IRF2: variants seen among roughly 807,000 people sequenced by gnomAD.
The protein encoded by IRF2 is interferon regulatory factor 2.
In IRF2, 15 loss-of-function variants were observed where a neutral mutation model predicts 40.6. The ratio of observed to expected loss-of-function variants is 0.37; its 90% CI spans 0.25 to 0.57. The LOEUF is 0.57. Ranked by LOEUF, IRF2 falls within the 20% of genes least tolerant of loss-of-function variation. IRF2 has a pLI of 0.77. For synonymous variants in IRF2, 151 were observed against 165.5 expected, an observed-to-expected ratio of 0.91 and a Z score of 0.67; for missense variants, 317 against 455.7, an observed-to-expected ratio of 0.70 and a Z score of 2.77.
intron 1 of IRF2, among the ~76,000 whole-genome samples, chr4:184,447,444 G>A (rs1234246879): frequency 6.6e-6 from 1 of 152,206 alleles, no homozygotes; most frequent in African/African-American, 2.4e-5. Context: ...TCAACATTTG[G>A]TAGCTATCAA....
At chr4:184,418,257 C>A in intron 4 of IRF2, 44 bp from the exon 5 acceptor site, 1 of 1,419,524 alleles carries the variant, frequency 7.0e-7, no homozygotes, top group South Asian at 1.2e-5. Context: ...CACGAAGGGC[C>A]TCCAGAGAAA....
intron 1 of IRF2, among the ~76,000 whole-genome samples, chr4:184,467,255 C>G (rs1739358958): frequency 6.6e-6 from 1 of 152,234 alleles, no homozygotes; most frequent in Non-Finnish European, 1.5e-5. Context: ...CTCTAAAACT[C>G]TTTCAGTGAC....
chr4:184,394,693 C>T (rs1269248308), intron 7 of IRF2, among the ~76,000 whole-genome samples: 1 of 152,176 alleles, frequency 6.6e-6, no homozygotes, highest in Admixed American at 6.5e-5. Context: ...CGAGTCTACT[C>T]TCCAGCCCCT....
At position 184,469,301 on chromosome 4, in the gene IRF2, T is replaced by G. The variant is rs1863316; in HGVS notation, c.-7+5078A>C. 9.5e-4 allele frequency among the ~76,000 whole-genome samples: 144 copies of G among 152,010 alleles called. 1 individual carries two copies. The highest frequency in any genetic ancestry group is 3.3e-3 in the African/African-American group (136 of 41,432). ...GGTCTCTACCTTTGGCTATAATGAG[T>G]TCAGTGAGATTTGATGATACCAGTT... On this transcript the variant is annotated intron_variant, in intron 1 of 8. Coordinates refer to ENST00000393593, the MANE Select transcript of IRF2 (RefSeq NM_002199.4).
chr4:184,431,878 A>C (rs1273944308), intron 1 of IRF2: 1 of 146,566 alleles, frequency 6.8e-6, no homozygotes, highest in African/African-American at 2.5e-5. Flanking sequence ...AAAAAAAAAA[A>C]CAATGGTCAC....
At chr4:184,437,888 A>C (rs1738145115) in intron 1 of IRF2, among the ~76,000 whole-genome samples, 1 of 151,884 alleles carries the variant, frequency 6.6e-6, no homozygotes, top group Non-Finnish European at 1.5e-5. Flanking sequence ...ATCTAACAGC[A>C]GTGTTTAGTA....
At chr4:184,396,046 A>G (rs773778002) in intron 7 of IRF2, among the ~76,000 whole-genome samples, 28 of 152,354 alleles carry the variant, frequency 1.8e-4, no homozygotes, top group Middle Eastern at 3.4e-3. Flanking sequence ...AAAAAAGAAG[A>G]GAGAAAGAAA....
chr4:184,443,328 A>G (rs1486223359), intron 1 of IRF2, among the ~76,000 whole-genome samples: 1 of 152,212 alleles, frequency 6.6e-6, no homozygotes, highest in Non-Finnish European at 1.5e-5. Flanking sequence ...TAGTGAACAT[A>G]GTACCCAATA....
chr4:184,429,155 T>C, intron 1 of IRF2, 85 bp from the exon 2 acceptor site: 1 of 974,604 alleles, frequency 1.0e-6, no homozygotes. Flanking sequence ...CGCCTGACTC[T>C]TTCCTTCTCT....
At chr4:184,435,965 CTTTTTCTTTTTCT>C (rs1398645885) in intron 1 of IRF2, among the ~76,000 whole-genome samples, 1 of 146,684 alleles carries the variant, frequency 6.8e-6, no homozygotes, top group African/African-American at 2.5e-5. Flanking sequence ...TTTCTTTTTT[CTTTTTCTTTTTCT>C]TTTTTCTTTT....
intron 8 of IRF2, among the ~76,000 whole-genome samples, chr4:184,390,103 CCTCT>C (rs959424684): frequency 5.9e-5 from 9 of 151,930 alleles, no homozygotes; most frequent in African/African-American, 1.9e-4. Flanking sequence ...TTGCTCCCTC[CCTCT>C]CTCTCTCTCA....
intron 1 of IRF2, among the ~76,000 whole-genome samples, chr4:184,434,419 T>C (rs1030249721): frequency 2.0e-5 from 3 of 152,230 alleles, no homozygotes; most frequent in South Asian, 2.1e-4. Flanking sequence ...TTTTTTTTTC[T>C]GTAAGCTTCT....
chr4:184,398,868 T>A (rs766729867), intron 7 of IRF2, 47 bp downstream of exon 7: 1 of 1,531,916 alleles, frequency 6.5e-7, no homozygotes. Context: ...ACCAAAGGAC[T>A]GCGCGGCCGG....
At chr4:184,444,683 A>T (rs889715755) in intron 1 of IRF2, among the ~76,000 whole-genome samples, 2 of 152,252 alleles carry the variant, frequency 1.3e-5, no homozygotes, top group African/African-American at 2.4e-5. Context: ...ACTACAGCAG[A>T]TTCCCTCATC....
chr4:184,470,417 A>G (rs1739472582), intron 1 of IRF2, among the ~76,000 whole-genome samples: 1 of 152,232 alleles, frequency 6.6e-6, no homozygotes, highest in African/African-American at 2.4e-5. Flanking sequence ...GCAGTGGCTC[A>G]TGCCTGTAAT....
rs1737131358 is a variant in IRF2, at chr4:184,413,003, G to T, written c.412-4728C>A. ...ACTTCAAAGGCAGCATGTCCAAAGC[G>T]AAACACCCTCTCCACAAAACGACCT... is the stretch of plus-strand genomic sequence containing the variant. On this transcript the variant is annotated intron_variant, in intron 5 of 8. Coordinates refer to ENST00000393593, the MANE Select transcript of IRF2 (RefSeq NM_002199.4). This position sits in a 1 kb window ranked among gnomAD's most constrained non-coding sequence, Gnocchi z 4.2. Among the ~76,000 whole-genome samples the T allele has an allele frequency of 6.6e-6, 1 of 152,050 alleles. No homozygotes were observed. The highest frequency in any genetic ancestry group is 2.4e-5 in the African/African-American group (1 of 41,410).
chr4:184,438,839 C>G (rs925394806), intron 1 of IRF2, among the ~76,000 whole-genome samples: 4 of 152,056 alleles, frequency 2.6e-5, no homozygotes, highest in African/African-American at 4.8e-5. Flanking sequence ...ATAACAGGAC[C>G]CCCTATATGA....
intron 5 of IRF2, among the ~76,000 whole-genome samples, chr4:184,414,380 T>A (rs369994588): frequency 2.2e-4 from 33 of 152,368 alleles, no homozygotes; most frequent in African/African-American, 7.7e-4. Context: ...CCTGCTCTGT[T>A]GCCCAGGCTG....
intron 2 of IRF2, among the ~76,000 whole-genome samples, chr4:184,422,142 G>C (rs969225660): frequency 6.6e-6 from 1 of 152,142 alleles, no homozygotes; most frequent in African/African-American, 2.4e-5. Flanking sequence ...CAGATGCCAA[G>C]GTCATGCTTC....
Sources: allele counts gnomAD v4.1 joint callset (sites outside exome capture counted in the v4.1 genomes callset), GRCh38; gene constraint gnomAD v4.1.1; non-coding constraint Gnocchi (gnomAD v3.1); transcripts MANE v1.5; gene names NCBI Gene and HGNC (gene_info 2026-07-23, HGNC 2026-07-21).